The following SPDYC variants were observed in gnomAD, a reference collection of about 807,000 sequenced individuals.
The protein encoded by SPDYC is speedy/RINGO cell cycle regulator family member C.
In SPDYC, 25 loss-of-function variants were observed where a neutral mutation model predicts 33.9. The observed-to-expected ratio is 0.74, with a 90% CI of 0.54 to 1.03. The LOEUF (loss-of-function observed/expected upper bound fraction) is 1.03. Among genes scored for constraint, SPDYC ranks in the 50% least tolerant of loss-of-function variants. The pLI, the probability that SPDYC is intolerant of heterozygous loss-of-function variation, is 0.00. For synonymous variants in SPDYC, 133 were observed against 140.2 expected (o/e 0.95, Z 0.36); for missense variants, 349 against 382.9 (o/e 0.91, Z 0.74).
At chr11:65,171,477 C>A (rs962615850) in exon 2 of SPDYC, 22 of 1,585,034 alleles carry the variant, frequency 1.4e-5, no homozygotes, top group Middle Eastern at 1.8e-4. Context: ...ACCAGGAGGT[C>A]CAGGCCTTCC....
At chr11:65,172,535 T>A in exon 5 of SPDYC, 1 of 1,575,102 alleles carries the variant, frequency 6.3e-7, no homozygotes. Context: ...GGGAAATTCC[T>A]GCACCAGAGG....
At chr11:65,172,166 CCCTGGGTGCAAATGAA>C in intron 3 of SPDYC, 64 bp from the exon 4 acceptor site, 3 of 1,571,016 alleles carry the variant, frequency 1.9e-6, no homozygotes, top group Non-Finnish European at 2.6e-6. Flanking sequence ...AGCAAAACCT[CCCTGGGTGCAAATGAA>C]CCTGGGTGCA....
In SPDYC at chr11:65,172,169, T is replaced by C. The variant is rs148127875; in HGVS notation, c.259-77T>C. The stretch of plus-strand genomic sequence containing the variant: ...TTCTTTCCCTGCAGCAAAACCTCCC[T>C]GGGTGCAAATGAACCTGGGTGCAAG... On this transcript the variant is annotated intron_variant, in intron 3 of 6. Transcript: ENST00000377185. 1.0e-4 allele frequency: 157 copies of C among 1,572,012 alleles called. 1 individual carries two copies. The highest frequency in any genetic ancestry group is 1.3e-4 in the Non-Finnish European group (148 of 1,142,094).
intron 1 of SPDYC, 85 bp downstream of exon 1, chr11:65,170,346 A>G: frequency 7.3e-7 from 1 of 1,368,374 alleles, no homozygotes; most frequent in Non-Finnish European, 9.7e-7. Flanking sequence ...GGTCGACCGC[A>G]CGTTCTCCTC....
chr11:65,170,988 C>A (rs559449078), intron 1 of SPDYC, among the ~76,000 whole-genome samples: 2 of 152,268 alleles, frequency 1.3e-5, no homozygotes, highest in East Asian at 1.9e-4. Flanking sequence ...GTTTGACGAC[C>A]GGTCTGAGTT....
rs567622560 is a variant in SPDYC, at chr11:65,170,276, A to G, written c.26+15A>G. On this transcript the variant is annotated intron_variant, in intron 1 of 6. Transcript: ENST00000377185. The stretch of plus-strand genomic sequence containing the variant: ...CCTGAGCTCGGGTAAGGCTCGCTGC[A>G]GGAGGAGGCTGGGTTGCTTGCGGGC... 97 of 1,577,456 alleles carry G rather than the reference A, an allele frequency of 6.1e-5. 2 individuals are homozygous for G. The Middle Eastern group carries it at 1.0e-3, about 17-fold the overall frequency.
At chr11:65,171,848 G>T (rs1793683774) in intron 2 of SPDYC, 95 bp from the exon 3 acceptor site, 2 of 1,043,344 alleles carry the variant, frequency 1.9e-6, no homozygotes, top group East Asian at 2.4e-5. Context: ...GAGAGAGAGG[G>T]TTCAGTGGTG....
rs377724000 is a variant in SPDYC at position 65,172,817 on chromosome 11, C to G, written c.650C>G (p.Ser217Cys). The G allele has an allele frequency of 5.0e-6, 8 of 1,614,016 alleles. No homozygotes were observed. The African/African-American group carries it at 1.1e-4, about 22-fold the overall frequency. The change falls in exon 6 of 7, where the codon TCC becomes TGC. Residue 217 changes from serine (S) to cysteine (C), a missense_variant. By Grantham distance (112) the Ser-to-Cys change is moderately radical. Transcript: ENST00000377185. ...CCTGGCCTCTCGCCGCCCCACTGTT[C>G]CCCCTGTGGTTTGCCCCAGCACTGC... is the stretch of plus-strand genomic sequence containing the variant.
intron 1 of SPDYC, 34 bp from the exon 2 acceptor site, chr11:65,171,285 CACGGGGGT>C: frequency 6.4e-7 from 1 of 1,573,108 alleles, no homozygotes; most frequent in Non-Finnish European, 8.6e-7. Flanking sequence ...TTGTGAGCAT[CACGGGGGT>C]ACATGCTAAG....
exon 5 of SPDYC, chr11:65,172,574 G>A (rs142712610): frequency 3.1e-5 from 48 of 1,555,372 alleles, no homozygotes; most frequent in South Asian, 1.5e-4. Context: ...ATGGGTTTCC[G>A]GGCTGTTGTG....
At chr11:65,170,338 T>C in intron 1 of SPDYC, 77 bp downstream of exon 1, 1 of 1,424,512 alleles carries the variant, frequency 7.0e-7, no homozygotes, top group Non-Finnish European at 9.3e-7. Flanking sequence ...CCTGGGGTGG[T>C]CGACCGCACG....
rs778537478 is a variant in SPDYC, at chr11:65,172,679, C to T, written c.517-5C>T. ...CCCATTTACTGTCCACTCTGCTCCT[C>T]CCAGGTCATGGCAAAGGAGCCATTC... On this transcript the variant is annotated splice_region_variant and splice_polypyrimidine_tract_variant and intron_variant, in intron 5 of 6. Coordinates refer to ENST00000377185, the Ensembl canonical transcript of SPDYC. 5 of 1,598,332 alleles carry T rather than the reference C, an allele frequency of 3.1e-6. No individual in the cohort carries two copies. In the African/African-American group the frequency reaches 6.7e-5, roughly 21 times the overall value.
chr11:65,170,499 T>A (rs1225175515), intron 1 of SPDYC, among the ~76,000 whole-genome samples: 1 of 152,106 alleles, frequency 6.6e-6, no homozygotes, highest in Non-Finnish European at 1.5e-5. Flanking sequence ...CAGTTTCCCC[T>A]CGGTGTAAGG....
chr11:65,171,423 C>T, exon 2 of SPDYC: 1 of 1,605,540 alleles, frequency 6.2e-7, no homozygotes, highest in Non-Finnish European at 8.5e-7. Context: ...TGGGGGGCTG[C>T]AGCCGGCAAG....
At chr11:65,172,598 G>A (rs1168850278) in exon 5 of SPDYC, 1 of 1,552,144 alleles carries the variant, frequency 6.4e-7, no homozygotes, top group Admixed American at 1.9e-5. Context: ...CGCCAGTGCT[G>A]TGAGGAGGTG....
At chr11:65,171,589 T>C (rs1445506734) in intron 2 of SPDYC, 90 bp downstream of exon 2, 6 of 1,343,050 alleles carry the variant, frequency 4.5e-6, no homozygotes, top group Non-Finnish European at 5.9e-6. Flanking sequence ...TGTACAGACA[T>C]CTGAGACCTC....
At chr11:65,172,399 G>T in intron 4 of SPDYC, 35 bp from the exon 5 acceptor site, 3 of 1,612,750 alleles carry the variant, frequency 1.9e-6, no homozygotes, top group Non-Finnish European at 2.5e-6. Context: ...CAGATGTGTG[G>T]CCTCTGCTCC....
rs756663645 is a variant in SPDYC, at chr11:65,171,282, C to T, written c.27-45C>T. On this transcript the variant is annotated intron_variant, in intron 1 of 6. Transcript: ENST00000377185. ...TGTCACCACCCTCTTGATTTGTGAG[C>T]ATCACGGGGGTACATGCTAAGTCCT... 4 of 1,565,342 alleles carry T rather than the reference C, an allele frequency of 2.6e-6. No homozygotes were observed. In the African/African-American group the frequency reaches 4.1e-5, roughly 16 times the overall value.
exon 2 of SPDYC, chr11:65,171,399 C>T (rs1225877623): frequency 6.2e-7 from 1 of 1,610,184 alleles, no homozygotes; most frequent in Admixed American, 1.7e-5. Context: ...CTGTAGTTAC[C>T]ACCCAGGTAG....
Sources: allele counts gnomAD v4.1 joint callset (sites outside exome capture counted in the v4.1 genomes callset), GRCh38; gene constraint gnomAD v4.1.1; transcripts MANE v1.5; gene names NCBI Gene and HGNC (gene_info 2026-07-23, HGNC 2026-07-21).